Variants in RANBP9 observed in about 807,000 individuals in gnomAD.
The protein encoded by RANBP9 is RAN binding protein 9.
In RANBP9, 15 loss-of-function variants were observed where a neutral mutation model predicts 84.3. The observed-to-expected ratio is 0.18, with a 90% CI of 0.12 to 0.27. The LOEUF is 0.27. RANBP9 is among the 10% of genes least tolerant of loss of function. The pLI, the probability that RANBP9 is intolerant of heterozygous loss-of-function variation, is 1.00. For synonymous variants in RANBP9, 392 were observed against 349.6 expected, an observed-to-expected ratio of 1.12 and a Z score of -1.35; for missense variants, 809 against 912.8, an observed-to-expected ratio of 0.89 and a Z score of 1.46.
chr6:13,680,544 A>G (rs204228), intron 2 of RANBP9, among the ~76,000 whole-genome samples: 99,210 of 151,794 alleles, frequency 0.65, 33,254 homozygotes, highest in African/African-American at 0.81. Context: ...AGTTCAAGAC[A>G]AGCCTGAGCA....
rs1296101362 is a variant in RANBP9, at chr6:13,644,745, T to A, written c.928-16A>T. On this transcript the variant is annotated splice_polypyrimidine_tract_variant and intron_variant, in intron 5 of 13. Coordinates refer to ENST00000011619, the MANE Select transcript of RANBP9 (RefSeq NM_005493.3). ...ACAAATTTGGCTGTAAGATAGCATA[T>A]TTCATTAAACATCTATCCATTTTAT... is the stretch of plus-strand genomic sequence containing the variant. 4 of 1,542,426 alleles carry A rather than the reference T, an allele frequency of 2.6e-6. No individual in the cohort carries two copies. Among genetic ancestry groups the A allele is most frequent in the African/African-American group, 1.4e-5 (1 of 72,186 alleles).
intron 8 of RANBP9, among the ~76,000 whole-genome samples, chr6:13,640,946 A>G (rs761449654): frequency 2.8e-4 from 43 of 152,208 alleles, no homozygotes; most frequent in Admixed American, 2.2e-3. Context: ...CATCTTCTAA[A>G]TAAGATTTTC....
intron 12 of RANBP9, among the ~76,000 whole-genome samples, chr6:13,627,630 CAAAAAAAAAAA>C (rs35401168): frequency 6.0e-5 from 4 of 66,410 alleles, no homozygotes; most frequent in African/African-American, 2.4e-4. Context: ...ACTCCATCTC[CAAAAAAAAAAA>C]AAAAAAAAAA....
At chr6:13,633,502 CG>C (rs2127762207) in intron 11 of RANBP9, among the ~76,000 whole-genome samples, 1 of 152,220 alleles carries the variant, frequency 6.6e-6, no homozygotes, top group East Asian at 1.9e-4. Flanking sequence ...CTTATGAGGT[CG>C]TTATTATACC....
At chr6:13,692,527 C>CAAAAA (rs61237158) in intron 2 of RANBP9, among the ~76,000 whole-genome samples, 1 of 28,722 alleles carries the variant, frequency 3.5e-5, no homozygotes, top group Non-Finnish European at 6.0e-5. Context: ...AACTCCGTCT[C>CAAAAA]AAAAAAAAAA....
rs566033831 is a variant in RANBP9 at position 13,665,767 on chromosome 6, T to C, written c.684-6935A>G. Among the ~76,000 whole-genome samples, 33 of 152,332 alleles carry C rather than the reference T, an allele frequency of 2.2e-4. No homozygotes were observed. In the South Asian group the frequency reaches 6.8e-3, roughly 32 times the overall value. ...AACAGATATACAAATTGTGGTATAT[T>C]CTACTCAGCAACAAAAACAAAAATA... is the stretch of plus-strand genomic sequence containing the variant. On this transcript the variant is annotated intron_variant, in intron 2 of 13. Transcript: ENST00000011619.
At position 13,701,033 on chromosome 6, in the gene RANBP9, T is replaced by C. The variant is rs1757956819; in HGVS notation, c.572-4137A>G. On this transcript the variant is annotated intron_variant, in intron 1 of 13. Transcript: ENST00000011619. ...AACACACCATCCTGTTCTATCCCCTTTCTAAAGCCTTCACGTCTATACTTC... is the reference window on the plus strand; with the variant it reads ...AACACACCATCCTGTTCTATCCCCTCTCTAAAGCCTTCACGTCTATACTTC... Among the ~76,000 whole-genome samples the C allele has an allele frequency of 2.0e-5, 3 of 152,178 alleles. No homozygotes were observed. The South Asian group carries it at 6.2e-4, about 31-fold the overall frequency.
intron 2 of RANBP9, among the ~76,000 whole-genome samples, chr6:13,694,523 AT>A: frequency 6.6e-6 from 1 of 152,336 alleles, no homozygotes; most frequent in South Asian, 2.1e-4. Flanking sequence ...ACAAAAGAGT[AT>A]GGCAGAATTT....
At chr6:13,644,254 C>A (rs577049616) in intron 6 of RANBP9, among the ~76,000 whole-genome samples, 4 of 152,246 alleles carry the variant, frequency 2.6e-5, no homozygotes, top group African/African-American at 4.8e-5. Flanking sequence ...AATCCTATTA[C>A]TAAGAATAGC....
intron 4 of RANBP9, among the ~76,000 whole-genome samples, chr6:13,656,669 T>C (rs1765407866): frequency 6.6e-6 from 1 of 152,202 alleles, no homozygotes; most frequent in South Asian, 2.1e-4. Flanking sequence ...ATCTGACCTT[T>C]GAGTGTGTTG....
At chr6:13,636,967 C>G (rs948925122) in intron 10 of RANBP9, among the ~76,000 whole-genome samples, 1 of 152,068 alleles carries the variant, frequency 6.6e-6, no homozygotes, top group Non-Finnish European at 1.5e-5. Context: ...CACTGATGAC[C>G]ATTTCCTGAA....
chr6:13,699,842 A>G lies in RANBP9; in HGVS notation c.572-2946T>C, dbSNP rs554471365. Among the ~76,000 whole-genome samples, 4 of 152,350 alleles carry G rather than the reference A, an allele frequency of 2.6e-5. No homozygotes were observed. In the East Asian group the frequency reaches 7.7e-4, roughly 29 times the overall value. ...GCCACTACACTCCAGCCTGAGCAAT[A>G]GAGTGAGACTCTGTCCCAAAAATAA... On this transcript the variant is annotated intron_variant, in intron 1 of 13. Transcript: ENST00000011619.
intron 11 of RANBP9, among the ~76,000 whole-genome samples, chr6:13,634,010 T>C (rs1256727227): frequency 6.6e-6 from 1 of 151,808 alleles, no homozygotes; most frequent in African/African-American, 2.4e-5. Flanking sequence ...GATAGTACTA[T>C]GCAAAGTCAC....
chr6:13,675,130 C>T (rs1403988428), intron 2 of RANBP9, among the ~76,000 whole-genome samples: 2 of 152,218 alleles, frequency 1.3e-5, no homozygotes, highest in Non-Finnish European at 2.9e-5. Flanking sequence ...AACCAGTAAA[C>T]ATATAGTCAA....
intron 2 of RANBP9, among the ~76,000 whole-genome samples, chr6:13,660,419 G>C (rs542767139): frequency 6.6e-6 from 1 of 152,084 alleles, no homozygotes; most frequent in Non-Finnish European, 1.5e-5. Flanking sequence ...TGAGGTGGGA[G>C]GACTGCTTGA....
At chr6:13,683,492 A>G (rs746563702) in intron 2 of RANBP9, among the ~76,000 whole-genome samples, 12 of 152,166 alleles carry the variant, frequency 7.9e-5, no homozygotes, top group Non-Finnish European at 1.8e-4. Context: ...GTGAAAGTAT[A>G]AGAACTGGTA....
At chr6:13,630,822 T>C (rs1345486506) in intron 12 of RANBP9, among the ~76,000 whole-genome samples, 8 of 151,906 alleles carry the variant, frequency 5.3e-5, no homozygotes, top group Non-Finnish European at 8.8e-5. Flanking sequence ...TATAAAGCAA[T>C]GCCACTCTTC....
chr6:13,627,476 A>C (rs1300129745), intron 12 of RANBP9, among the ~76,000 whole-genome samples: 1 of 151,722 alleles, frequency 6.6e-6, no homozygotes, highest in Non-Finnish European at 1.5e-5. Context: ...CTAAAAATAC[A>C]AAAATTAGTC....
chr6:13,624,105 A>G (rs1302606998), intron 13 of RANBP9, among the ~76,000 whole-genome samples: 2 of 152,246 alleles, frequency 1.3e-5, no homozygotes, highest in Non-Finnish European at 2.9e-5. Flanking sequence ...CAATGAAAAT[A>G]TAACACATTA....
Sources: allele counts gnomAD v4.1 joint callset (sites outside exome capture counted in the v4.1 genomes callset), GRCh38; gene constraint gnomAD v4.1.1; transcripts MANE v1.5; gene names NCBI Gene and HGNC (gene_info 2026-07-23, HGNC 2026-07-21).